Variants in CP observed in about 807,000 individuals in gnomAD.
CP encodes caeruloplasmin.
Under a neutral mutation model 122.4 loss-of-function variants are expected in CP, and 64 were observed. The observed-to-expected ratio is 0.52, with a 90% CI of 0.43 to 0.64. The LOEUF (loss-of-function observed/expected upper bound fraction) is 0.64. CP is among the 30% of genes least tolerant of loss of function. The probability of loss-of-function intolerance (pLI) is 0.00; values close to 1 mark genes in which losing one functional copy is unlikely to be tolerated. For missense variants in CP, 1,167 were observed against 1,284.4 expected (o/e 0.91, Z 1.40); for synonymous variants, 440 against 436.4 (o/e 1.01, Z -0.10).
At chr3:149,193,138 G>C (rs979496546) in intron 9 of CP, among the ~76,000 whole-genome samples, 3 of 152,098 alleles carry the variant, frequency 2.0e-5, no homozygotes, top group Non-Finnish European at 2.9e-5. Context: ...CGACTAAATG[G>C]GTCATGATCT....
chr3:149,174,231 G>A (rs1429307293), intron 18 of CP, among the ~76,000 whole-genome samples: 16 of 152,198 alleles, frequency 1.1e-4, no homozygotes, highest in Admixed American at 1.0e-3. Context: ...TGGCAACAAT[G>A]CAGTACATGA....
intron 9 of CP, among the ~76,000 whole-genome samples, chr3:149,192,913 T>C (rs1319228768): frequency 6.6e-6 from 1 of 151,950 alleles, no homozygotes; most frequent in Non-Finnish European, 1.5e-5. Flanking sequence ...TCCTACACTT[T>C]ACGCAGTGAT....
At chr3:149,219,521 C>G (rs1194373724) in intron 1 of CP, among the ~76,000 whole-genome samples, 1 of 152,182 alleles carries the variant, frequency 6.6e-6, no homozygotes, top group African/African-American at 2.4e-5. Context: ...TGCACAAGCT[C>G]TTTCTTGGCT....
intron 2 of CP, 124 bp downstream of exon 2, chr3:149,212,327 A>T: frequency 1.9e-6 from 2 of 1,036,292 alleles, no homozygotes; most frequent in Admixed American, 2.7e-5. Context: ...AATAAAAAAA[A>T]AATAGTTAAG....
At chr3:149,175,087 G>A (rs1023391603) in intron 18 of CP, among the ~76,000 whole-genome samples, 4 of 152,008 alleles carry the variant, frequency 2.6e-5, no homozygotes, top group Admixed American at 6.6e-5. Context: ...TTGCACACAT[G>A]AATTCCCCAA....
intron 3 of CP, among the ~76,000 whole-genome samples, chr3:149,209,588 G>A (rs2108295319): frequency 6.6e-6 from 1 of 152,258 alleles, no homozygotes; most frequent in East Asian, 1.9e-4. Context: ...AGACACTCCT[G>A]TGTCTGGATG....
At chr3:149,195,029 A>T (rs977284686) in intron 9 of CP, among the ~76,000 whole-genome samples, 1 of 152,236 alleles carries the variant, frequency 6.6e-6, no homozygotes, top group African/African-American at 2.4e-5. Flanking sequence ...TTAGTAGATG[A>T]TAAAGGCAGC....
chr3:149,176,655 C>A, intron 17 of CP: 1 of 467,296 alleles, frequency 2.1e-6, no homozygotes, highest in Non-Finnish European at 3.9e-6. Context: ...TCAATCAGGA[C>A]TACCTACAAA....
At chr3:149,197,980 G>A (rs949100010) in intron 9 of CP, among the ~76,000 whole-genome samples, 19 of 152,120 alleles carry the variant, frequency 1.2e-4, no homozygotes, top group African/African-American at 4.6e-4. Context: ...GATACCATAC[G>A]ATAAAAAGTA....
chr3:149,208,982 T>C (rs1559957325), intron 4 of CP, among the ~76,000 whole-genome samples: 1 of 152,222 alleles, frequency 6.6e-6, no homozygotes, highest in East Asian at 1.9e-4. Context: ...CCATAATTGA[T>C]GCTTTATCCT....
At position 149,178,297 on chromosome 3, in the gene CP, A is replaced by C; in HGVS notation, c.2878+118T>G. ...GAACAGGATTCTACCTGACATACAA[A>C]GTGAGGCAGAAGTGGTTTATTTTAA... On this transcript the variant is annotated intron_variant, in intron 16 of 18. Coordinates refer to ENST00000264613, the MANE Select transcript of CP (RefSeq NM_000096.4). 3.8e-6 allele frequency: 3 copies of C among 784,846 alleles called. No individual in the cohort carries two copies. In the South Asian group the frequency reaches 5.2e-5, roughly 14 times the overall value. The allele number at this position is 784,846 out of a possible 1,614,324, so 48.6% of individuals were successfully genotyped here.
In CP at chr3:149,212,509, A is replaced by C; in HGVS notation, c.336T>G (p.Leu112=). Residue 112 remains leucine, a synonymous_variant, in exon 2 of 19, where the codon CTT becomes CTG. Coordinates refer to ENST00000264613, the MANE Select transcript of CP (RefSeq NM_000096.4). ...GDKVYVHLKN[L]ASRPYTFHSH... is the part of the protein sequence containing the mutation. ...AATGAAAGGTGTAGGGCCTAGAGGC[A>C]AGGTTTTTTAAGTGTACATAAACTT... The C allele has an allele frequency of 1.2e-6, 2 of 1,613,968 alleles. No homozygotes were observed. The highest frequency in any genetic ancestry group is 1.7e-6 in the Non-Finnish European group (2 of 1,179,936).
chr3:149,181,181 A>G (rs1044353971), intron 14 of CP, among the ~76,000 whole-genome samples: 8 of 152,096 alleles, frequency 5.3e-5, no homozygotes, highest in Admixed American at 1.3e-4. Flanking sequence ...TCCCTACTCC[A>G]TCTGGCCCCT....
chr3:149,183,704 A>C, intron 12 of CP, 99 bp from the exon 13 acceptor site: 1 of 823,200 alleles, frequency 1.2e-6, no homozygotes, highest in South Asian at 1.7e-5. Flanking sequence ...TTTTTATTAG[A>C]GTAATTATAG....
chr3:149,196,467 C>CA (rs201389651), intron 9 of CP, among the ~76,000 whole-genome samples: 2,424 of 151,158 alleles, frequency 0.016, 72 homozygotes, highest in African/African-American at 0.054. Context: ...AAATCCTCAC[C>CA]AAAAAAAACA....
chr3:149,177,943 A>G lies in CP; in HGVS notation c.2915T>C (p.Leu972Pro), dbSNP rs1489479882. ...NGRMFGNLQG[L>P]TMHVGDEVNW... ...GACTTCATCTCCCACGTGCATTGTG[A>G]GGCCTTGTAGGTTTCCAAACATTCT... Residue 972 changes from leucine to proline, a missense_variant, in exon 17 of 19, where the codon CTC becomes CCC. Transcript: ENST00000264613. 2 of 1,613,584 alleles carry G rather than the reference A, an allele frequency of 1.2e-6. No homozygotes were observed. The highest frequency in any genetic ancestry group is 8.5e-7 in the Non-Finnish European group (1 of 1,179,518).
rs701750 is a variant in CP at position 149,212,267 on chromosome 3, T to C, written c.394+184A>G. On this transcript the variant is annotated intron_variant, in intron 2 of 18. Transcript: ENST00000264613. ...CGGTGCTTGCAGTGATCCGAGGTCG[T>C]GCCACTGCACTCCAGCCTGGGTGAC... Among the ~76,000 whole-genome samples the C allele has an allele frequency of 0.99, 150,940 of 151,946 alleles. 74,974 individuals are homozygous for C. Among genetic ancestry groups the C allele is most frequent in the Middle Eastern group, 1 (294 of 294 alleles).
At chr3:149,185,488 G>T (rs1726105286) in intron 11 of CP, 42 bp from the exon 12 acceptor site, 1 of 1,573,990 alleles carries the variant, frequency 6.4e-7, no homozygotes, top group Non-Finnish European at 8.7e-7. Context: ...CTTTGCTAGT[G>T]CCCTCTGGGG....
intron 14 of CP, among the ~76,000 whole-genome samples, chr3:149,180,637 G>A (rs563347720): frequency 1.2e-4 from 19 of 152,262 alleles, no homozygotes; most frequent in East Asian, 1.9e-4. Flanking sequence ...TGTGGTAGAC[G>A]TCTTACTTTT....
Sources: gnomAD v4.1 joint callset for allele counts (sites outside exome capture counted in the v4.1 genomes callset) on GRCh38, gnomAD v4.1.1 for gene constraint, MANE v1.5 for transcripts, NCBI Gene and HGNC (gene_info 2026-07-23, HGNC 2026-07-21) for gene names.